NELL1: variants seen among roughly 807,000 people sequenced by gnomAD.
NELL1 encodes protein kinase C-binding protein NELL1.
Under a neutral mutation model 107.4 loss-of-function variants are expected in NELL1, and 76 were observed. The ratio of observed to expected loss-of-function variants is 0.71; its 90% CI spans 0.59 to 0.86. The LOEUF (loss-of-function observed/expected upper bound fraction) is 0.86. NELL1 is among the 40% of genes least tolerant of loss of function. The probability of loss-of-function intolerance (pLI) is 0.00; values close to 1 mark genes in which losing one functional copy is unlikely to be tolerated. For missense variants in NELL1, 1,024 were observed against 1,005.5 expected (o/e 1.02, Z -0.25); for synonymous variants, 353 against 341.2 (o/e 1.03, Z -0.38).
At chr11:20,775,230 C>T (rs2133973548) in intron 2 of NELL1, among the ~76,000 whole-genome samples, 1 of 152,326 alleles carries the variant, frequency 6.6e-6, no homozygotes, top group Non-Finnish European at 1.5e-5. Flanking sequence ...GCCTATCTAT[C>T]TGCTATGCAT....
intron 15 of NELL1, among the ~76,000 whole-genome samples, chr11:21,513,055 T>C (rs1267469018): frequency 6.6e-6 from 1 of 152,204 alleles, no homozygotes; most frequent in Non-Finnish European, 1.5e-5. Context: ...AGTTTATTCT[T>C]AAGCAGCAAG....
At chr11:21,038,920 T>C (rs1853160590) in intron 12 of NELL1, among the ~76,000 whole-genome samples, 1 of 152,232 alleles carries the variant, frequency 6.6e-6, no homozygotes, top group Non-Finnish European at 1.5e-5. Context: ...CAAGACTTTC[T>C]CTTTGAAGGA....
intron 14 of NELL1, among the ~76,000 whole-genome samples, chr11:21,290,098 G>A (rs888639880): frequency 1.3e-5 from 2 of 152,116 alleles, no homozygotes; most frequent in Non-Finnish European, 2.9e-5. Flanking sequence ...GGCTGGACGC[G>A]GTGGCTCACG....
intron 14 of NELL1, among the ~76,000 whole-genome samples, chr11:21,289,862 A>G (rs568383465): frequency 2.6e-5 from 4 of 152,254 alleles, no homozygotes; most frequent in Admixed American, 2.6e-4. Flanking sequence ...CTCACAGTGT[A>G]AACAAAGCTG....
intron 12 of NELL1, among the ~76,000 whole-genome samples, chr11:21,073,771 T>C (rs1218014301): frequency 6.6e-6 from 1 of 152,230 alleles, no homozygotes; most frequent in Non-Finnish European, 1.5e-5. Flanking sequence ...TATTTTACAT[T>C]TTAGTAATAT....
At chr11:20,725,285 A>G (rs1261242546) in intron 2 of NELL1, among the ~76,000 whole-genome samples, 1 of 152,226 alleles carries the variant, frequency 6.6e-6, no homozygotes, top group Non-Finnish European at 1.5e-5. Context: ...CCACTTCCCC[A>G]GACTTCCAGG....
intron 12 of NELL1, among the ~76,000 whole-genome samples, chr11:21,077,276 C>A (rs1004483100): frequency 6.6e-6 from 1 of 151,730 alleles, no homozygotes; most frequent in Non-Finnish European, 1.5e-5. Flanking sequence ...GCTTTACAGG[C>A]AACAAAAGGC....
At chr11:21,087,372 G>C (rs1489015958) in intron 12 of NELL1, among the ~76,000 whole-genome samples, 2 of 139,310 alleles carry the variant, frequency 1.4e-5, no homozygotes, top group East Asian at 4.5e-4. Context: ...ATTTAATGCT[G>C]GTGTGATCTG....
intron 5 of NELL1, among the ~76,000 whole-genome samples, chr11:20,913,489 G>T (rs958199495): frequency 6.6e-6 from 1 of 151,930 alleles, no homozygotes; most frequent in African/African-American, 2.4e-5. Context: ...TTTTTTAATT[G>T]CATCTTTCTA....
chr11:20,737,904 T>C (rs1168122338), intron 2 of NELL1, among the ~76,000 whole-genome samples: 1 of 150,822 alleles, frequency 6.6e-6, no homozygotes, highest in East Asian at 1.9e-4. Context: ...CGATCAGGAA[T>C]TATAGTTTAT....
chr11:20,771,352 CTAAT>C, intron 2 of NELL1, among the ~76,000 whole-genome samples: 1 of 152,140 alleles, frequency 6.6e-6, no homozygotes, highest in East Asian at 1.9e-4. Context: ...TGACAGTTTG[CTAAT>C]TAATAAGATT....
chr11:20,991,639 G>A (rs142983673), intron 12 of NELL1, among the ~76,000 whole-genome samples: 1 of 152,138 alleles, frequency 6.6e-6, no homozygotes, highest in African/African-American at 2.4e-5. Context: ...ATTGGGACGT[G>A]CCTCGGATTG....
At chr11:20,860,461 C>A (rs1161022146) in intron 4 of NELL1, among the ~76,000 whole-genome samples, 2 of 152,134 alleles carry the variant, frequency 1.3e-5, no homozygotes, top group Non-Finnish European at 2.9e-5. Flanking sequence ...TCGATGGCTT[C>A]ATTAGTGAAT....
intron 3 of NELL1, among the ~76,000 whole-genome samples, chr11:20,844,741 TA>T (rs1450776011): frequency 6.6e-6 from 1 of 152,228 alleles, no homozygotes; most frequent in African/African-American, 2.4e-5. Context: ...AACACAGATG[TA>T]AACATAGAAC....
intron 14 of NELL1, among the ~76,000 whole-genome samples, chr11:21,299,347 C>T (rs1849443002): frequency 6.6e-6 from 1 of 151,920 alleles, no homozygotes; most frequent in African/African-American, 2.4e-5. Flanking sequence ...CATTCTGCTC[C>T]TTCCAGGATC....
chr11:20,904,962 A>G (rs61880439), intron 5 of NELL1, among the ~76,000 whole-genome samples: 4,286 of 151,366 alleles, frequency 0.028, 119 homozygotes, highest in East Asian at 0.16. Context: ...CTAAGAAGCT[A>G]GGACTACAGG....
intron 15 of NELL1, among the ~76,000 whole-genome samples, chr11:21,518,020 A>G (rs1855614867): frequency 6.6e-6 from 1 of 151,744 alleles, no homozygotes; most frequent in Non-Finnish European, 1.5e-5. Flanking sequence ...CCAGGATGCT[A>G]TGGAGCCACA....
intron 16 of NELL1, among the ~76,000 whole-genome samples, chr11:21,544,895 T>C (rs1271783746): frequency 1.3e-5 from 2 of 151,940 alleles, no homozygotes; most frequent in South Asian, 4.1e-4. Flanking sequence ...GTTTTTTTTT[T>C]CCGTTCTGTG....
At chr11:20,701,641 G>C (rs1854791471) in intron 2 of NELL1, among the ~76,000 whole-genome samples, 1 of 152,050 alleles carries the variant, frequency 6.6e-6, no homozygotes, top group African/African-American at 2.4e-5. Flanking sequence ...TATGGTTTTA[G>C]GTCTAACATT....
Sources: allele counts gnomAD v4.1 joint callset (sites outside exome capture counted in the v4.1 genomes callset), GRCh38; gene constraint gnomAD v4.1.1; transcripts MANE v1.5; gene names NCBI Gene and HGNC (gene_info 2026-07-23, HGNC 2026-07-21).